The following ZNF197 variants were observed in gnomAD, a reference collection of about 807,000 sequenced individuals.
ZNF197 encodes zinc finger protein 197, also known as VHL-associated KRAB-A domain-containing protein.
In ZNF197, 14 loss-of-function variants were observed where a neutral mutation model predicts 27.4. The observed-to-expected ratio is 0.51, with a 90% CI of 0.34 to 0.80. The LOEUF (loss-of-function observed/expected upper bound fraction) is 0.80, where lower values mean the gene tolerates loss of function less well. ZNF197 is among the 30% of genes least tolerant of loss of function. The pLI, the probability that ZNF197 is intolerant of heterozygous loss-of-function variation, is 0.02. For synonymous variants in ZNF197, 415 were observed against 420.0 expected (o/e 0.99, Z 0.15); for missense variants, 1,090 against 1,222.6 (o/e 0.89, Z 1.62).
intron 5 of ZNF197, among the ~76,000 whole-genome samples, chr3:44,641,121 C>T (rs1249156417): frequency 6.6e-6 from 1 of 152,168 alleles, no homozygotes; most frequent in Non-Finnish European, 1.5e-5. Context: ...TCATACTGTT[C>T]ATACTTTAAA....
rs1430869723 is a variant in ZNF197 at position 44,640,636 on chromosome 3, C to G, written c.770-1264C>G. Among the ~76,000 whole-genome samples, 2 of 152,178 alleles carry G rather than the reference C, an allele frequency of 1.3e-5. No homozygotes were observed. Among genetic ancestry groups the G allele is most frequent in the Non-Finnish European group, 2.9e-5 (2 of 68,034 alleles). On this transcript the variant is annotated intron_variant, in intron 5 of 5. Transcript: ENST00000344387. This position sits in a 1 kb window ranked among gnomAD's most constrained non-coding sequence, Gnocchi z 4.0. ...CAAGTGATCCGCCCTCCTCAGCCTC[C>G]CAGAGTGCTGGAATTACAGGCATGA...
chr3:44,627,066 G>GTGTCC (rs763664363), intron 1 of ZNF197, among the ~76,000 whole-genome samples: 12 of 152,118 alleles, frequency 7.9e-5, no homozygotes, highest in Non-Finnish European at 1.2e-4. Context: ...GTCATTCATG[G>GTGTCC]TGTCCTACCA....
intron 5 of ZNF197, among the ~76,000 whole-genome samples, chr3:44,634,106 T>C (rs1279605824): frequency 1.3e-5 from 2 of 152,214 alleles, no homozygotes; most frequent in East Asian, 3.9e-4. Context: ...GAGCCAATTT[T>C]CCCTGGATAT....
chr3:44,646,256 A>C lies in ZNF197; in HGVS notation c.*2036A>C, dbSNP rs2125830534. On this transcript the variant is annotated 3_prime_UTR_variant, in exon 6 of 6. Coordinates refer to ENST00000344387, the MANE Select transcript of ZNF197 (RefSeq NM_006991.5). ...CTACCTCACAAAGTTCTTATGAGAT[A>C]ATGAATATAAAAATGTTTCATCCAG... The C allele has an allele frequency of 1.0e-6, 1 of 984,308 alleles. No individual in the cohort carries two copies. The highest frequency in any genetic ancestry group is 1.2e-6 in the Non-Finnish European group (1 of 828,890). The allele number at this position is 984,308 out of a possible 1,614,324, so 61.0% of individuals were successfully genotyped here. A position where few individuals can be genotyped will look rare whatever the true frequency, so the allele number is the denominator to read the frequency against.
chr3:44,646,233 A>G lies in ZNF197; in HGVS notation c.*2013A>G, dbSNP rs1253879775. Reference sequence around the variant, plus strand: ...CTGTTAAACAGGAGGAAGAATATCTACCTCACAAAGTTCTTATGAGATAAT... The same window carrying G: ...CTGTTAAACAGGAGGAAGAATATCTGCCTCACAAAGTTCTTATGAGATAAT... On this transcript the variant is annotated 3_prime_UTR_variant, in exon 6 of 6. Coordinates refer to ENST00000344387, the MANE Select transcript of ZNF197 (RefSeq NM_006991.5). 1.0e-6 allele frequency: 1 copy of G among 977,224 alleles called. No individual in the cohort carries two copies. The highest frequency in any genetic ancestry group is 4.7e-5 in the South Asian group (1 of 21,128). 60.5% of individuals were successfully genotyped at this position (977,224 alleles called of 1,614,324 possible). A position where few individuals can be genotyped will look rare whatever the true frequency, so the allele number is the denominator to read the frequency against.
chr3:44,626,280 A>G (rs1332726351), intron 1 of ZNF197, among the ~76,000 whole-genome samples: 1 of 152,158 alleles, frequency 6.6e-6, no homozygotes, highest in African/African-American at 2.4e-5. Flanking sequence ...CTTTCTTGAT[A>G]TCCAGCCCTC....
chr3:44,644,117 C>G lies in ZNF197; in HGVS notation c.2987C>G (p.Ser996Cys). 1 of 1,614,076 alleles carries G rather than the reference C, an allele frequency of 6.2e-7. No individual in the cohort carries two copies. The highest frequency in any genetic ancestry group is 1.3e-5 in the African/African-American group (1 of 75,048). The change falls in exon 6 of 6, where the codon TCT (serine) becomes TGT (cysteine). Residue 996 changes from serine to cysteine, a missense_variant. By Grantham distance (112) the Ser-to-Cys change is moderately radical. Coordinates refer to ENST00000344387, the MANE Select transcript of ZNF197 (RefSeq NM_006991.5). ...TGTGATGTGTCTGAAAAAGAATTCT[C>G]TCAGACTTCCAACCTTCATCTTCAA... ...CECDVSEKEF[S>C]QTSNLHLQQK...
Position 44,643,090 on chromosome 3 carries a change from G to A in ZNF197, c.1960G>A (p.Glu654Lys), listed in dbSNP as rs1228608269. The change falls in exon 6 of 6, where the codon GAA becomes AAA. Residue 654 changes from glutamate (E) to lysine (K), a missense_variant. Transcript: ENST00000344387. Reference sequence around the variant, plus strand: ...TGGGGAGAAGCCCTATGAATGTAATGAATGTGGGAAAGTTTTTATTCTGAA... The same window carrying A: ...TGGGGAGAAGCCCTATGAATGTAATAAATGTGGGAAAGTTTTTATTCTGAA... ...HNGEKPYECN[E>K]CGKVFILKKS... 1 of 1,613,814 alleles carries A rather than the reference G, an allele frequency of 6.2e-7. No homozygotes were observed. Among genetic ancestry groups the A allele is most frequent in the Non-Finnish European group, 8.5e-7 (1 of 1,179,948 alleles).
chr3:44,630,397 CAT>C (rs368889139), intron 2 of ZNF197, among the ~76,000 whole-genome samples: 26 of 152,274 alleles, frequency 1.7e-4, no homozygotes, highest in African/African-American at 3.9e-4. Context: ...TGTAGCCTCT[CAT>C]GTGTGTGAGA....
chr3:44,643,558 A>T lies in ZNF197; in HGVS notation c.2428A>T (p.Arg810Ter). 6.2e-7 allele frequency: 1 copy of T among 1,614,224 alleles called. No homozygotes were observed. Reference sequence around the variant, plus strand: ...GAAGAAAAGCCTCATTGGACATCAGAGAATTCACACGAGGGAAAAATCTTA... The same window carrying T: ...GAAGAAAAGCCTCATTGGACATCAGTGAATTCACACGAGGGAAAAATCTTA... ...ILKKSLIGHQRIHTREKSYKC... is the reference protein window; with the variant it reads ...ILKKSLIGHQ The change falls in exon 6 of 6, where the codon AGA (arginine) becomes TGA (stop). Residue 810 changes from arginine (R) to a stop codon, truncating the protein, a stop_gained. Transcript: ENST00000344387. LOFTEE classifies it low-confidence loss of function (END_TRUNC).
rs1702877693 is a variant in ZNF197 at position 44,645,030 on chromosome 3, A to T, written c.*810A>T. 4 of 985,328 alleles carry T rather than the reference A, an allele frequency of 4.1e-6. No individual in the cohort carries two copies. The highest frequency in any genetic ancestry group is 4.8e-6 in the Non-Finnish European group (4 of 829,950). The allele number at this position is 985,328 out of a possible 1,614,324, so 61.0% of individuals were successfully genotyped here. ...GAGTTGGGCGGACAAGAGTCTGCTGATGAGGACAACCTAAAAGAGCACTGG... is the reference window on the plus strand; with the variant it reads ...GAGTTGGGCGGACAAGAGTCTGCTGTTGAGGACAACCTAAAAGAGCACTGG... On this transcript the variant is annotated 3_prime_UTR_variant, in exon 6 of 6. Transcript: ENST00000344387.
At chr3:44,641,808 G>A in intron 5 of ZNF197, 92 bp from the exon 6 acceptor site, 1 of 1,401,558 alleles carries the variant, frequency 7.1e-7, no homozygotes, top group Non-Finnish European at 9.4e-7. Flanking sequence ...ATTAAAGTGT[G>A]CCTTCCTAGA....
chr3:44,646,352 GA>G lies in ZNF197; in HGVS notation c.*2133del. 6.6e-7 allele frequency: 1 copy of G among 1,514,672 alleles called. No homozygotes were observed. Among genetic ancestry groups the G allele is most frequent in the Non-Finnish European group, 8.8e-7 (1 of 1,132,378 alleles). The allele number at this position is 1,514,672 out of a possible 1,614,324, so 93.8% of individuals were successfully genotyped here. On this transcript the variant is annotated 3_prime_UTR_variant, in exon 6 of 6. Transcript: ENST00000344387. ...GTACTTTAACAATGGAGAATGCTGT[GA>G]TTTACCTCTTCACCGAGTAACAAAA...
rs1191210348 is a variant in ZNF197 at position 44,643,523 on chromosome 3, G to A, written c.2393G>A (p.Cys798Tyr). The change falls in exon 6 of 6, where the codon TGC becomes TAC. Residue 798 changes from cysteine (C) to tyrosine (Y), a missense_variant. Cys to Tyr is a radical substitution (Grantham distance 194, BLOSUM62 -2). Transcript: ENST00000344387. ...KPYECDECGKCFILKKSLIGH... is the reference protein window; with the variant it reads ...KPYECDECGKYFILKKSLIGH... ...TATGAGTGTGATGAGTGTGGCAAAT[G>A]CTTCATTCTGAAGAAAAGCCTCATT... The A allele has an allele frequency of 6.2e-7, 1 of 1,614,114 alleles. No homozygotes were observed. Among genetic ancestry groups the A allele is most frequent in the Non-Finnish European group, 8.5e-7 (1 of 1,180,004 alleles).
rs780284443 is a variant in ZNF197, at chr3:44,631,089, ACT to A, written c.422_423del (p.Leu141ProfsTer23). The A allele has an allele frequency of 1.5e-5, 24 of 1,613,916 alleles. No individual in the cohort carries two copies. ...TCCAGTCCTTGTCAAGGATCAGGAC[ACT>A]CTCCAGAAGGTGGTGAGTGCCCCAG... ...QVPVLVKDQD[T>X]LQKVVSAPGT... On this transcript the variant is annotated frameshift_variant, in exon 3 of 6. Transcript: ENST00000344387. LOFTEE classifies it high-confidence loss of function.
rs141774699 is a variant in ZNF197, at chr3:44,643,258, G to A, written c.2128G>A (p.Glu710Lys). 5.6e-6 allele frequency: 9 copies of A among 1,614,136 alleles called. No homozygotes were observed. Among genetic ancestry groups the A allele is most frequent in the Non-Finnish European group, 7.6e-6 (9 of 1,180,028 alleles). ...HNGEKPYECR[E>K]CGKTFIMSKS... Reference sequence around the variant, plus strand: ...TGGGGAGAAGCCATATGAATGTCGAGAGTGTGGGAAAACCTTTATTATGAG... The same window carrying A: ...TGGGGAGAAGCCATATGAATGTCGAAAGTGTGGGAAAACCTTTATTATGAG... The change falls in exon 6 of 6, where the codon GAG (glutamate) becomes AAG (lysine). Residue 710 changes from glutamate to lysine, a missense_variant. Physicochemically the swap from Glu to Lys is moderately conservative, Grantham distance 56 (BLOSUM62 1). Transcript: ENST00000344387.
chr3:44,645,164 A>G lies in ZNF197; in HGVS notation c.*944A>G, dbSNP rs1326170509. 3 of 969,016 alleles carry G rather than the reference A, an allele frequency of 3.1e-6. No homozygotes were observed. Among genetic ancestry groups the G allele is most frequent in the Admixed American group, 6.2e-5 (1 of 16,246 alleles). The allele number at this position is 969,016 out of a possible 1,614,324, so 60.0% of individuals were successfully genotyped here. On this transcript the variant is annotated 3_prime_UTR_variant, in exon 6 of 6. Transcript: ENST00000344387. ...AGTTTCCTGTCAGTCAAATGTTGACATGATACCTACCTCACAGGGTTGTTG... is the reference window on the plus strand; with the variant it reads ...AGTTTCCTGTCAGTCAAATGTTGACGTGATACCTACCTCACAGGGTTGTTG...
rs560796503 is a variant in ZNF197 at position 44,628,561 on chromosome 3, T to C, written c.-81-513T>C. Among the ~76,000 whole-genome samples the C allele has an allele frequency of 2.6e-5, 4 of 152,358 alleles. No individual in the cohort carries two copies. The East Asian group carries it at 7.7e-4, about 29-fold the overall frequency. On this transcript the variant is annotated intron_variant, in intron 1 of 5. Coordinates refer to ENST00000344387, the MANE Select transcript of ZNF197 (RefSeq NM_006991.5). ...TCATGATTAATGATTACTTGTTAAC[T>C]CTGCGGAACATAGGAAAGAGTACTA... is the stretch of plus-strand genomic sequence containing the variant.
chr3:44,631,031 A>G, intron 2 of ZNF197, 31 bp from the exon 3 acceptor site: 1 of 1,613,498 alleles, frequency 6.2e-7, no homozygotes, highest in Middle Eastern at 1.7e-4. Context: ...TTAAGAAACA[A>G]GAAGAGCTAG....
Sources: allele counts gnomAD v4.1 joint callset (sites outside exome capture counted in the v4.1 genomes callset), GRCh38; gene constraint gnomAD v4.1.1; non-coding constraint Gnocchi (gnomAD v3.1); transcripts MANE v1.5; gene names NCBI Gene and HGNC (gene_info 2026-07-23, HGNC 2026-07-21).